CSMD1: variants seen among roughly 807,000 people sequenced by gnomAD.
CSMD1 encodes CUB and Sushi multiple domains 1.
Under a neutral mutation model 417.5 loss-of-function variants are expected in CSMD1, and 213 were observed. The ratio of observed to expected loss-of-function variants is 0.51; its 90% CI spans 0.46 to 0.57. CSMD1 has a LOEUF of 0.57. Ranked by LOEUF, CSMD1 falls within the 20% of genes least tolerant of loss-of-function variation. The pLI, the probability that CSMD1 is intolerant of heterozygous loss-of-function variation, is 0.00. For missense variants in CSMD1, 6,923 were observed against 4,529.7 expected (o/e 1.53, Z -15.17); for synonymous variants, 2,862 against 1,736.8 (o/e 1.65, Z -16.11).
intron 3 of CSMD1, among the ~76,000 whole-genome samples, chr8:4,224,751 T>C (rs961668171): frequency 2.0e-5 from 3 of 152,214 alleles, no homozygotes; most frequent in African/African-American, 7.2e-5. Flanking sequence ...ATTCTCCCCA[T>C]AGTATTAACC....
At position 4,022,184 on chromosome 8, in the gene CSMD1, G is replaced by GTATATTTATGTA. The variant is rs1563328580; in HGVS notation, c.610+9720_610+9721insTACATAAATATA. Among the ~76,000 whole-genome samples, 755 of 118,052 alleles carry GTATATTTATGTA rather than the reference G, an allele frequency of 6.4e-3. 6 individuals carry two copies. Among genetic ancestry groups the GTATATTTATGTA allele is most frequent in the African/African-American group, 0.019 (701 of 36,404 alleles). The allele number at this position is 118,052 out of a possible 152,430, so 77.4% of individuals were successfully genotyped here. On this transcript the variant is annotated intron_variant, in intron 4 of 69. Transcript: ENST00000635120. ...TATTAATATATATGTATATTTATGT[G>GTATATTTATGTA]TATATATATATATATAACAATAGCA...
chr8:3,980,962 G>A (rs563681571), intron 5 of CSMD1, among the ~76,000 whole-genome samples: 6 of 152,212 alleles, frequency 3.9e-5, no homozygotes, highest in African/African-American at 1.4e-4. Context: ...AAAGAGTAGG[G>A]GCCCTGCTCA....
chr8:3,695,178 C>G (rs1161254833), intron 7 of CSMD1, among the ~76,000 whole-genome samples: 2 of 150,936 alleles, frequency 1.3e-5, no homozygotes, highest in African/African-American at 4.9e-5. Flanking sequence ...TTTCCAAGGA[C>G]CTCGAAGACA....
chr8:3,104,783 C>A (rs1332883116), intron 46 of CSMD1, among the ~76,000 whole-genome samples: 1 of 150,882 alleles, frequency 6.6e-6, no homozygotes, highest in East Asian at 2.0e-4. Context: ...TCTCGGCTCA[C>A]TGCAACCTCC....
intron 2 of CSMD1, among the ~76,000 whole-genome samples, chr8:4,519,678 G>C (rs1356467899): frequency 4.4e-5 from 6 of 134,874 alleles, no homozygotes; most frequent in Non-Finnish European, 9.2e-5. Context: ...AGGAGGCAGA[G>C]GTTACAGTGA....
chr8:4,323,099 A>G (rs564998217), intron 3 of CSMD1, among the ~76,000 whole-genome samples: 2 of 152,352 alleles, frequency 1.3e-5, no homozygotes, highest in East Asian at 1.9e-4. Flanking sequence ...GAAAAATCAT[A>G]TGATTTTAAT....
chr8:4,437,490 AT>A (rs1309347521), intron 2 of CSMD1, among the ~76,000 whole-genome samples: 1 of 152,250 alleles, frequency 6.6e-6, no homozygotes, highest in East Asian at 1.9e-4. Flanking sequence ...TCCTCTCAAG[AT>A]TTTTATAACA....
chr8:4,018,314 A>G (rs1796620124), intron 4 of CSMD1, among the ~76,000 whole-genome samples: 1 of 152,044 alleles, frequency 6.6e-6, no homozygotes, highest in East Asian at 1.9e-4. Context: ...CATTTTTATC[A>G]AGGCCTGGCT....
chr8:4,372,653 A>T (rs985809734), intron 3 of CSMD1, among the ~76,000 whole-genome samples: 1 of 151,700 alleles, frequency 6.6e-6, no homozygotes, highest in African/African-American at 2.4e-5. Flanking sequence ...AAAAAATCAC[A>T]AACAAAAAGC....
intron 1 of CSMD1, among the ~76,000 whole-genome samples, chr8:4,702,645 T>TTCCAAG (rs1442047200): frequency 6.6e-6 from 1 of 151,160 alleles, no homozygotes; most frequent in Non-Finnish European, 1.5e-5. Context: ...GAATCACAAA[T>TTCCAAG]AAACGTTTCC....
chr8:3,668,882 T>A (rs1484270087), intron 7 of CSMD1, among the ~76,000 whole-genome samples: 1 of 152,176 alleles, frequency 6.6e-6, no homozygotes, highest in Non-Finnish European at 1.5e-5. Context: ...TCAGCCTTAA[T>A]GCGGGTGGCA....
At chr8:4,381,457 C>T (rs1030120287) in intron 3 of CSMD1, among the ~76,000 whole-genome samples, 4 of 152,106 alleles carry the variant, frequency 2.6e-5, no homozygotes, top group African/African-American at 9.7e-5. Context: ...CTGGTGCCGA[C>T]GTGTGCTAAA....
intron 11 of CSMD1, among the ~76,000 whole-genome samples, chr8:3,471,742 C>G (rs920609224): frequency 2.7e-5 from 4 of 150,858 alleles, no homozygotes; most frequent in South Asian, 2.1e-4. Flanking sequence ...TTATCATTCC[C>G]TAAGATAAGT....
intron 1 of CSMD1, among the ~76,000 whole-genome samples, chr8:4,938,857 A>G (rs10086480): frequency 0.23 from 35,655 of 151,992 alleles, 4,316 homozygotes; most frequent in East Asian, 0.38. Context: ...ACGTGATGTT[A>G]CTCAGTGGTT....
intron 3 of CSMD1, among the ~76,000 whole-genome samples, chr8:4,405,090 G>A (rs753574164): frequency 2.6e-4 from 40 of 152,170 alleles, no homozygotes; most frequent in African/African-American, 6.0e-4. Context: ...ATGGTACAGC[G>A]TTCAGAAGAG....
At chr8:3,329,466 G>C (rs1806750265) in intron 23 of CSMD1, among the ~76,000 whole-genome samples, 2 of 152,220 alleles carry the variant, frequency 1.3e-5, no homozygotes, top group Middle Eastern at 3.4e-3. Context: ...ATGATGAACG[G>C]GGAAACTGCG....
chr8:4,904,433 C>A (rs575325497), intron 1 of CSMD1, among the ~76,000 whole-genome samples: 1 of 152,164 alleles, frequency 6.6e-6, no homozygotes, highest in Non-Finnish European at 1.5e-5. Context: ...ACAAATAAAA[C>A]TAGCTATTTG....
At chr8:3,261,191 C>G (rs1373280807) in intron 26 of CSMD1, among the ~76,000 whole-genome samples, 1 of 152,140 alleles carries the variant, frequency 6.6e-6, no homozygotes, top group Non-Finnish European at 1.5e-5. Context: ...ATACCATAGA[C>G]AATTTTATAT....
In CSMD1 at chr8:4,923,372, A is replaced by G. The variant is rs190217070; in HGVS notation, c.85+70960T>C. Among the ~76,000 whole-genome samples, 494 of 152,294 alleles carry G rather than the reference A, an allele frequency of 3.2e-3. 4 individuals carry two copies. The highest frequency in any genetic ancestry group is 0.011 in the African/African-American group (468 of 41,562). ...TTAAAGGGTTGGCATACATTTTAAA[A>G]TAAAGAGTGTAACTGGATTGTTTGA... On this transcript the variant is annotated intron_variant, in intron 1 of 69. Coordinates refer to ENST00000635120, the MANE Select transcript of CSMD1 (RefSeq NM_033225.6).
Sources: gnomAD v4.1 joint callset for allele counts (sites outside exome capture counted in the v4.1 genomes callset) on GRCh38, gnomAD v4.1.1 for gene constraint, MANE v1.5 for transcripts, NCBI Gene and HGNC (gene_info 2026-07-23, HGNC 2026-07-21) for gene names.